RGS7: variants seen among roughly 807,000 people sequenced by gnomAD.
RGS7 encodes the protein regulator of G protein signaling 7.
Under a neutral mutation model 81.1 loss-of-function variants are expected in RGS7, and 27 were observed. That is an observed-to-expected ratio of 0.33 (90% CI 0.25 to 0.46). The LOEUF is 0.46. Ranked by LOEUF, RGS7 falls within the 20% of genes least tolerant of loss-of-function variation. RGS7 has a pLI of 1.00. For missense variants in RGS7, 396 were observed against 607.4 expected, an observed-to-expected ratio of 0.65 and a Z score of 3.66; for synonymous variants, 208 against 207.7, an observed-to-expected ratio of 1.00 and a Z score of -0.01.
At chr1:240,832,652 G>A (rs58085068) in intron 9 of RGS7, among the ~76,000 whole-genome samples, 11,592 of 152,160 alleles carry the variant, frequency 0.076, 959 homozygotes, top group African/African-American at 0.21. Context: ...AAGACAACTC[G>A]GCAAAGCCTG....
chr1:241,165,642 A>T (rs1237846140), intron 2 of RGS7, among the ~76,000 whole-genome samples: 1 of 75,816 alleles, frequency 1.3e-5, no homozygotes, highest in Non-Finnish European at 2.6e-5. Context: ...GGGTAGGGGG[A>T]GGGGGGAGGG....
At chr1:240,955,894 T>C in intron 4 of RGS7, among the ~76,000 whole-genome samples, 1 of 151,280 alleles carries the variant, frequency 6.6e-6, no homozygotes, top group East Asian at 2.0e-4. Context: ...ATTATAGACC[T>C]AAATGCAAAA....
chr1:240,780,227 A>T (rs1163917905), intron 18 of RGS7, among the ~76,000 whole-genome samples: 4 of 151,998 alleles, frequency 2.6e-5, no homozygotes, highest in Non-Finnish European at 5.9e-5. Flanking sequence ...CGGGTGGATC[A>T]CTTGAGGCCA....
chr1:241,153,201 G>C (rs549154491), intron 2 of RGS7, among the ~76,000 whole-genome samples: 1 of 152,310 alleles, frequency 6.6e-6, no homozygotes, highest in Non-Finnish European at 1.5e-5. Context: ...GCATTTGTCA[G>C]GCTGATGACT....
At chr1:241,180,951 T>C (rs113311692) in intron 2 of RGS7, among the ~76,000 whole-genome samples, 4 of 152,140 alleles carry the variant, frequency 2.6e-5, no homozygotes, top group Non-Finnish European at 5.9e-5. Context: ...AGGAAGCCAA[T>C]CCAAAAAGGC....
chr1:241,017,289 A>G (rs762417956), intron 3 of RGS7, among the ~76,000 whole-genome samples: 12 of 152,114 alleles, frequency 7.9e-5, no homozygotes, highest in African/African-American at 1.2e-4. Context: ...TAAAATACAA[A>G]AATTAGCTGG....
chr1:241,116,244 A>G (rs6663461), intron 2 of RGS7, among the ~76,000 whole-genome samples: 83,832 of 152,026 alleles, frequency 0.55, 26,810 homozygotes, highest in African/African-American at 0.89. Context: ...TTTATTGTGG[A>G]AAATCTTAAA....
intron 2 of RGS7, among the ~76,000 whole-genome samples, chr1:241,107,485 G>T (rs1475571855): frequency 6.6e-6 from 1 of 152,090 alleles, no homozygotes; most frequent in Non-Finnish European, 1.5e-5. Flanking sequence ...ATAAAATGTC[G>T]AATCAGTCTT....
chr1:241,161,403 A>C lies in RGS7; in HGVS notation c.79-62641T>G, dbSNP rs79330114. On this transcript the variant is annotated intron_variant, in intron 2 of 18. Coordinates refer to ENST00000440928, the MANE Select transcript of RGS7 (RefSeq NM_001364886.1). ...CAATGGCACAGTCCATGACACATTA[A>C]TAATAATAACTAATAACACATTAAT... is the stretch of plus-strand genomic sequence containing the variant. Among the ~76,000 whole-genome samples, 28 of 151,664 alleles carry C rather than the reference A, an allele frequency of 1.8e-4. No individual in the cohort carries two copies. The East Asian group carries it at 5.4e-3, about 29-fold the overall frequency.
At chr1:241,191,644 T>C (rs189963786) in intron 2 of RGS7, among the ~76,000 whole-genome samples, 6 of 152,354 alleles carry the variant, frequency 3.9e-5, no homozygotes, top group African/African-American at 1.4e-4. Context: ...TATCTTCTAC[T>C]CTTTTGTCTG....
intron 9 of RGS7, among the ~76,000 whole-genome samples, chr1:240,850,399 G>A (rs543035077): frequency 1.3e-5 from 2 of 152,168 alleles, no homozygotes; most frequent in East Asian, 1.9e-4. Context: ...TGTCGTGATC[G>A]TTTTGGGATG....
intron 2 of RGS7, among the ~76,000 whole-genome samples, chr1:241,121,206 G>C (rs2066234075): frequency 6.6e-6 from 1 of 152,148 alleles, no homozygotes; most frequent in South Asian, 2.1e-4. Flanking sequence ...AAAAGTACTG[G>C]ACAGATGTCA....
intron 2 of RGS7, among the ~76,000 whole-genome samples, chr1:241,140,567 C>A (rs561463290): frequency 6.6e-6 from 1 of 152,122 alleles, no homozygotes; most frequent in Non-Finnish European, 1.5e-5. Flanking sequence ...CCATGCTTGG[C>A]TAATTTTTAA....
intron 2 of RGS7, among the ~76,000 whole-genome samples, chr1:241,141,874 G>T (rs1429130900): frequency 6.6e-6 from 1 of 152,210 alleles, no homozygotes; most frequent in Admixed American, 6.5e-5. Flanking sequence ...TCTGAGATAA[G>T]GCAGGTCTCT....
At chr1:240,915,710 C>T (rs1672491670) in intron 6 of RGS7, among the ~76,000 whole-genome samples, 1 of 151,892 alleles carries the variant, frequency 6.6e-6, no homozygotes, top group Non-Finnish European at 1.5e-5. Flanking sequence ...CCAAGGCACA[C>T]TAAAAGACAA....
At chr1:241,153,624 T>G (rs2068910380) in intron 2 of RGS7, among the ~76,000 whole-genome samples, 1 of 152,232 alleles carries the variant, frequency 6.6e-6, no homozygotes, top group Non-Finnish European at 1.5e-5. Flanking sequence ...CCTCTTTGGG[T>G]GTTCAGCATT....
At chr1:241,245,492 TA>T (rs577538701) in intron 2 of RGS7, among the ~76,000 whole-genome samples, 3,084 of 128,514 alleles carry the variant, frequency 0.024, 92 homozygotes, top group African/African-American at 0.073. Context: ...CTTTTCCTTA[TA>T]AAAAAAAAAA....
At chr1:241,329,979 C>T (rs548025366) in intron 2 of RGS7, among the ~76,000 whole-genome samples, 9 of 151,662 alleles carry the variant, frequency 5.9e-5, no homozygotes, top group African/African-American at 1.9e-4. Flanking sequence ...CTCGCTCTAT[C>T]GCCCAGGCTG....
chr1:240,801,416 G>C, intron 17 of RGS7, 39 bp downstream of exon 17: 1 of 1,367,800 alleles, frequency 7.3e-7, no homozygotes, highest in Non-Finnish European at 1.0e-6. Flanking sequence ...AATTTCATTG[G>C]ACTTAATGAT....
Sources: gnomAD v4.1 joint callset for allele counts (sites outside exome capture counted in the v4.1 genomes callset) on GRCh38, gnomAD v4.1.1 for gene constraint, MANE v1.5 for transcripts, NCBI Gene and HGNC (gene_info 2026-07-23, HGNC 2026-07-21) for gene names.